Variants in KLF12 observed in about 807,000 individuals in gnomAD.
KLF12 encodes KLF transcription factor 12, also known as Krueppel-like factor 12.
KLF12 carries 9 observed loss-of-function variants against 37.8 expected under a neutral mutation model. That is an observed-to-expected ratio of 0.24 (90% confidence interval 0.14 to 0.42). The LOEUF (loss-of-function observed/expected upper bound fraction) is 0.42. Among genes scored for constraint, KLF12 ranks in the 10% least tolerant of loss-of-function variants. KLF12 has a pLI of 1.00. For missense variants in KLF12, 411 were observed against 516.0 expected (o/e 0.80, Z 1.97); for synonymous variants, 208 against 202.1 (o/e 1.03, Z -0.25).
chr13:73,784,716 C>T (rs748384182), intron 5 of KLF12, among the ~76,000 whole-genome samples: 4 of 151,324 alleles, frequency 2.6e-5, no homozygotes, highest in African/African-American at 7.3e-5. Context: ...CTGCAAGCTC[C>T]GCCTCCTGAG....
chr13:74,042,210 A>C (rs1037817039), intron 1 of KLF12, among the ~76,000 whole-genome samples: 2 of 151,538 alleles, frequency 1.3e-5, no homozygotes, highest in Non-Finnish European at 2.9e-5. Context: ...AGGATGAGGC[A>C]GGAGAATCAC....
At chr13:74,304,471 C>T in the KLF12 span, among the ~76,000 whole-genome samples, 8 of 151,994 alleles carry the variant, frequency 5.3e-5, no homozygotes, top group Admixed American at 2.6e-4. Flanking sequence ...TCAATTACAG[C>T]ACCAAAGCAA....
chr13:73,707,584 A>G (rs902237137), intron 7 of KLF12, among the ~76,000 whole-genome samples: 6 of 152,168 alleles, frequency 3.9e-5, no homozygotes, highest in African/African-American at 1.4e-4. Context: ...ACTATGCTTT[A>G]TCTAACAAGG....
chr13:74,071,394 G>C (rs1286864612), intron 1 of KLF12, among the ~76,000 whole-genome samples: 2 of 152,066 alleles, frequency 1.3e-5, no homozygotes, highest in Non-Finnish European at 2.9e-5. Flanking sequence ...CAAGTTTTAA[G>C]AAATGACTGG....
upstream of KLF12, among the ~76,000 whole-genome samples, chr13:74,134,431 T>G (rs1190997906): frequency 6.6e-6 from 1 of 151,650 alleles, no homozygotes; most frequent in Non-Finnish European, 1.5e-5. Context: ...TGTGGGAAAC[T>G]AACCCCTCCC....
chr13:74,028,998 T>C (rs1402041772), intron 1 of KLF12, among the ~76,000 whole-genome samples: 2 of 152,130 alleles, frequency 1.3e-5, no homozygotes, highest in Non-Finnish European at 2.9e-5. Flanking sequence ...ATAGTTTACA[T>C]AGTTCCCTTT....
intron 1 of KLF12, among the ~76,000 whole-genome samples, chr13:74,019,575 T>A (rs1892787757): frequency 6.6e-6 from 1 of 152,222 alleles, no homozygotes; most frequent in South Asian, 2.1e-4. Flanking sequence ...ACATCGTATG[T>A]TTAAATAAAA....
chr13:74,053,770 A>T (rs10507823), intron 1 of KLF12, among the ~76,000 whole-genome samples: 10,797 of 152,260 alleles, frequency 0.071, 507 homozygotes, highest in Non-Finnish European at 0.1. Context: ...AATGTTTTTA[A>T]AATATTGCCT....
chr13:74,017,186 A>C (rs1471736795), intron 1 of KLF12, among the ~76,000 whole-genome samples: 3 of 146,694 alleles, frequency 2.0e-5, no homozygotes, highest in African/African-American at 7.6e-5. Flanking sequence ...TAATATATGC[A>C]CTTCCTTGAG....
At position 73,695,472 on chromosome 13, in the gene KLF12, C is replaced by T. The variant is rs983316903; in HGVS notation, c.*18G>A. On this transcript the variant is annotated 3_prime_UTR_variant, in exon 8 of 8. Coordinates refer to ENST00000377669, the MANE Select transcript of KLF12 (RefSeq NM_007249.5). ...TAAGAGATCCAGCTCTTACGCTCAG[C>T]TGGACAGGTAGCATTCCTCACACCA... is the stretch of plus-strand genomic sequence containing the variant. 6.2e-7 allele frequency: 1 copy of T among 1,611,982 alleles called. No individual in the cohort carries two copies. The highest frequency in any genetic ancestry group is 8.5e-7 in the Non-Finnish European group (1 of 1,179,084).
chr13:74,042,648 T>C (rs1484047739), intron 1 of KLF12, among the ~76,000 whole-genome samples: 2 of 152,016 alleles, frequency 1.3e-5, no homozygotes, highest in Non-Finnish European at 2.9e-5. Flanking sequence ...GATTGCCGAG[T>C]CTTAACATCA....
rs552478230 is a variant in KLF12 at position 74,015,596 on chromosome 13, C to A, written c.-31-20543G>T. The stretch of plus-strand genomic sequence containing the variant: ...AAATATTCATTAATTTAAGCAACAC[C>A]CCCTAGATATACTTACATACACCCT... On this transcript the variant is annotated intron_variant, in intron 1 of 7. Coordinates refer to ENST00000377669, the MANE Select transcript of KLF12 (RefSeq NM_007249.5). Among the ~76,000 whole-genome samples the A allele has an allele frequency of 1.2e-3, 179 of 152,122 alleles. 1 individual carries two copies. The highest frequency in any genetic ancestry group is 4.0e-3 in the African/African-American group (164 of 41,462).
At chr13:73,812,283 A>G (rs1164665655) in intron 5 of KLF12, among the ~76,000 whole-genome samples, 2 of 152,140 alleles carry the variant, frequency 1.3e-5, no homozygotes, top group Non-Finnish European at 2.9e-5. Flanking sequence ...AGATAGAAGA[A>G]GAAGAAATTC....
At chr13:74,011,787 T>A (rs1892557737) in intron 1 of KLF12, among the ~76,000 whole-genome samples, 1 of 152,228 alleles carries the variant, frequency 6.6e-6, no homozygotes, top group African/African-American at 2.4e-5. Context: ...TCTGTGGATT[T>A]TGGCATCAGA....
At chr13:73,994,870 T>G in intron 2 of KLF12, 120 bp downstream of exon 2, 1 of 729,162 alleles carries the variant, frequency 1.4e-6, no homozygotes, top group Non-Finnish European at 2.5e-6. Context: ...TATGCACATG[T>G]AAGTACTGAC....
At chr13:73,989,247 C>T (rs1470126005) in intron 2 of KLF12, among the ~76,000 whole-genome samples, 1 of 152,214 alleles carries the variant, frequency 6.6e-6, no homozygotes, top group Non-Finnish European at 1.5e-5. Flanking sequence ...AATCAAAGCA[C>T]ATCTGTCAAA....
intron 2 of KLF12, among the ~76,000 whole-genome samples, chr13:73,956,770 T>TAA (rs112313779): frequency 6.6e-6 from 1 of 151,252 alleles, no homozygotes; most frequent in African/African-American, 2.4e-5. Flanking sequence ...AAAATAACAA[T>TAA]AAAAAAAACT....
chr13:73,973,627 G>A (rs1234137714), intron 2 of KLF12, among the ~76,000 whole-genome samples: 7 of 25,478 alleles, frequency 2.7e-4, no homozygotes, highest in Admixed American at 2.7e-3. Context: ...CAGAAAGAAA[G>A]ATTAACCAAC....
intron 1 of KLF12, among the ~76,000 whole-genome samples, chr13:74,103,515 T>C (rs961369957): frequency 6.6e-6 from 1 of 152,154 alleles, no homozygotes; most frequent in African/African-American, 2.4e-5. Context: ...TGGCAGTCAC[T>C]AATATTCTCC....
Sources: gnomAD v4.1 joint callset for allele counts (sites outside exome capture counted in the v4.1 genomes callset) on GRCh38, gnomAD v4.1.1 for gene constraint, MANE v1.5 for transcripts, NCBI Gene and HGNC (gene_info 2026-07-23, HGNC 2026-07-21) for gene names.